CNTN1: variants seen among roughly 807,000 people sequenced by gnomAD.
CNTN1 encodes contactin-1.
CNTN1 carries 38 observed loss-of-function variants against 126.4 expected under a neutral mutation model. The ratio of observed to expected loss-of-function variants is 0.30; its 90% CI spans 0.23 to 0.39. The LOEUF is 0.39. CNTN1 is among the 10% of genes least tolerant of loss of function. The pLI is 1.00. For missense variants in CNTN1, 1,009 were observed against 1,248.4 expected, an observed-to-expected ratio of 0.81 and a Z score of 2.89; for synonymous variants, 413 against 422.6, an observed-to-expected ratio of 0.98 and a Z score of 0.28.
At chr12:40,719,275 G>A (rs1357531707) in intron 1 of CNTN1, among the ~76,000 whole-genome samples, 1 of 152,094 alleles carries the variant, frequency 6.6e-6, no homozygotes, top group Non-Finnish European at 1.5e-5. Flanking sequence ...TGAACACAAT[G>A]GGAAGATGAA....
At chr12:40,915,074 CAGTTTTCT>C (rs1290829803) in intron 3 of CNTN1, among the ~76,000 whole-genome samples, 1 of 151,994 alleles carries the variant, frequency 6.6e-6, no homozygotes, top group East Asian at 1.9e-4. Context: ...AACATATTCT[CAGTTTTCT>C]GAAAGCTGAC....
chr12:40,919,405 C>G (rs1945357428), intron 4 of CNTN1, among the ~76,000 whole-genome samples: 1 of 152,102 alleles, frequency 6.6e-6, no homozygotes, highest in Admixed American at 6.6e-5. Flanking sequence ...TAAAAGTATA[C>G]TAACAGTTTC....
chr12:40,752,117 T>A (rs1411854344), intron 1 of CNTN1, among the ~76,000 whole-genome samples: 1 of 152,132 alleles, frequency 6.6e-6, no homozygotes, highest in Non-Finnish European at 1.5e-5. Flanking sequence ...AAATTTGGAA[T>A]ATATAATTCT....
rs751608660 is a variant in CNTN1 at position 41,016,632 on chromosome 12, C to T, written c.2185-50C>T. The T allele has an allele frequency of 5.0e-6, 6 of 1,189,496 alleles. No homozygotes were observed. In the South Asian group the frequency reaches 7.4e-5, roughly 15 times the overall value. The allele number at this position is 1,189,496 out of a possible 1,614,324, so 73.7% of individuals were successfully genotyped here. A position where few individuals can be genotyped will look rare whatever the true frequency, so the allele number is the denominator to read the frequency against. ...GTCATTATCCCCATAGCATTTCCTC[C>T]CTGTTACCTGTATTACTAAAACCTA... On this transcript the variant is annotated intron_variant, in intron 18 of 23. Transcript: ENST00000551295.
At chr12:40,990,961 C>G (rs1948082625) in intron 16 of CNTN1, among the ~76,000 whole-genome samples, 1 of 152,160 alleles carries the variant, frequency 6.6e-6, no homozygotes, top group Non-Finnish European at 1.5e-5. Context: ...ACCCCTCAAC[C>G]CCTGCCAAAC....
rs552570932 is a variant in CNTN1, at chr12:41,056,905, T to C, written c.2981-13054T>C. 2.8e-4 allele frequency among the ~76,000 whole-genome samples: 27 copies of C among 95,306 alleles called. 2 individuals are homozygous for C. The East Asian group carries it at 6.5e-3, about 23-fold the overall frequency. The allele number at this position is 95,306 out of a possible 152,430, so 62.5% of individuals were successfully genotyped here. On this transcript the variant is annotated intron_variant, in intron 23 of 23. Coordinates refer to ENST00000551295, the MANE Select transcript of CNTN1 (RefSeq NM_001843.4). ...TTTATAAATATTATATTTAGATATT[T>C]ATAAATATTTATAATATTTAGATAT...
intron 1 of CNTN1, among the ~76,000 whole-genome samples, chr12:40,872,424 T>C (rs1318320857): frequency 1.3e-5 from 2 of 152,096 alleles, no homozygotes; most frequent in Non-Finnish European, 2.9e-5. Flanking sequence ...TGAAATGCTC[T>C]GCTTACCCTG....
intron 1 of CNTN1, among the ~76,000 whole-genome samples, chr12:40,837,300 A>T (rs918353104): frequency 2.0e-5 from 3 of 152,134 alleles, no homozygotes; most frequent in African/African-American, 7.2e-5. Context: ...TGACAAAAAC[A>T]CCAAAAGCAG....
chr12:41,020,592 A>C, intron 20 of CNTN1, 152 bp downstream of exon 20: 1 of 599,130 alleles, frequency 1.7e-6, no homozygotes. Flanking sequence ...ATATAAGTTA[A>C]TTGTTAAGAA....
chr12:40,732,336 C>T (rs1313004175), intron 1 of CNTN1, among the ~76,000 whole-genome samples: 3 of 151,926 alleles, frequency 2.0e-5, no homozygotes, highest in Non-Finnish European at 2.9e-5. Flanking sequence ...GGACATTCAA[C>T]ATTAAGAGAA....
intron 1 of CNTN1, among the ~76,000 whole-genome samples, chr12:40,767,861 G>A (rs1028072939): frequency 6.6e-6 from 1 of 151,912 alleles, no homozygotes; most frequent in Non-Finnish European, 1.5e-5. Flanking sequence ...TTAAACAATT[G>A]ACTTTTCTAA....
intron 3 of CNTN1, among the ~76,000 whole-genome samples, chr12:40,914,807 A>G (rs967376698): frequency 4.6e-5 from 7 of 152,126 alleles, no homozygotes; most frequent in African/African-American, 1.7e-4. Context: ...TGTAACTGAG[A>G]AGAAAAAGTA....
rs917268395 is a variant in CNTN1, at chr12:41,051,058, C to T, written c.2981-18901C>T. Among the ~76,000 whole-genome samples, 11 of 152,186 alleles carry T rather than the reference C, an allele frequency of 7.2e-5. No homozygotes were observed. In the East Asian group the frequency reaches 1.4e-3, roughly 19 times the overall value. On this transcript the variant is annotated intron_variant, in intron 23 of 23. Transcript: ENST00000551295. ...TGCTCGGTGGAGATTCTCACTCATT[C>T]CACTCCCTGGAGACACAGTAAATTC... is the stretch of plus-strand genomic sequence containing the variant.
At chr12:41,049,546 A>G (rs1434328790) in intron 23 of CNTN1, among the ~76,000 whole-genome samples, 1 of 152,218 alleles carries the variant, frequency 6.6e-6, no homozygotes, top group African/African-American at 2.4e-5. Flanking sequence ...TGCTGCTACC[A>G]TCATAGGGTC....
chr12:40,846,943 C>T (rs976955158), intron 1 of CNTN1, among the ~76,000 whole-genome samples: 1 of 152,150 alleles, frequency 6.6e-6, no homozygotes, highest in Admixed American at 6.5e-5. Flanking sequence ...TCTCGGCTCA[C>T]TGCATCCTCC....
chr12:40,750,857 A>G (rs1025455865), intron 1 of CNTN1, among the ~76,000 whole-genome samples: 2 of 152,082 alleles, frequency 1.3e-5, no homozygotes. Flanking sequence ...TCAGGAGATG[A>G]AGTCTAGAGA....
At chr12:41,012,332 C>T (rs1948681371) in intron 17 of CNTN1, among the ~76,000 whole-genome samples, 1 of 152,206 alleles carries the variant, frequency 6.6e-6, no homozygotes, top group Admixed American at 6.5e-5. Context: ...TTTACTATGA[C>T]ATTATCTGAT....
At chr12:41,041,384 G>T (rs187595009) in intron 23 of CNTN1, among the ~76,000 whole-genome samples, 8,047 of 151,998 alleles carry the variant, frequency 0.053, 483 homozygotes, top group Admixed American at 0.15. Context: ...TTCTTTTTTG[G>T]TTGTGTCTCT....
intron 1 of CNTN1, among the ~76,000 whole-genome samples, chr12:40,855,768 C>T (rs1404565768): frequency 6.6e-6 from 1 of 152,070 alleles, no homozygotes; most frequent in Non-Finnish European, 1.5e-5. Context: ...TTTAATCCCT[C>T]TACCTTTGGG....
Sources: gnomAD v4.1 joint callset for allele counts (sites outside exome capture counted in the v4.1 genomes callset) on GRCh38, gnomAD v4.1.1 for gene constraint, MANE v1.5 for transcripts, NCBI Gene and HGNC (gene_info 2026-07-23, HGNC 2026-07-21) for gene names.